Variants in CNTNAP4 observed in about 807,000 individuals in gnomAD.
The protein encoded by CNTNAP4 is contactin-associated protein-like 4.
Under a neutral mutation model 148.4 loss-of-function variants are expected in CNTNAP4, and 98 were observed. The observed-to-expected ratio is 0.66, with a 90% confidence interval of 0.56 to 0.78. CNTNAP4 has a LOEUF of 0.78. CNTNAP4 is among the 30% of genes least tolerant of loss of function. CNTNAP4 has a pLI of 0.00. For synonymous variants in CNTNAP4, 730 were observed against 565.1 expected (o/e 1.29, Z -4.14); for missense variants, 1,935 against 1,565.6 (o/e 1.24, Z -3.98).
intron 3 of CNTNAP4, among the ~76,000 whole-genome samples, chr16:76,361,637 C>T (rs1053774306): frequency 1.3e-5 from 2 of 152,086 alleles, no homozygotes; most frequent in African/African-American, 2.4e-5. Flanking sequence ...GCAGATGTCT[C>T]TTTGAGATCC....
intron 3 of CNTNAP4, among the ~76,000 whole-genome samples, chr16:76,423,124 C>G (rs905529319): frequency 2.0e-5 from 3 of 152,092 alleles, no homozygotes; most frequent in African/African-American, 7.2e-5. Flanking sequence ...CTGCTGGTGC[C>G]TTCATTTTGG....
At chr16:76,425,748 C>T (rs2079368867) in intron 3 of CNTNAP4, among the ~76,000 whole-genome samples, 1 of 152,024 alleles carries the variant, frequency 6.6e-6, no homozygotes, top group Admixed American at 6.6e-5. Context: ...GTGCGAATCC[C>T]TGAGAGAACT....
intron 2 of CNTNAP4, among the ~76,000 whole-genome samples, chr16:76,338,908 C>G (rs565109003): frequency 4.6e-5 from 7 of 152,178 alleles, no homozygotes; most frequent in African/African-American, 1.7e-4. Flanking sequence ...CAGAAGTGAT[C>G]TCTGTTTATA....
intron 3 of CNTNAP4, among the ~76,000 whole-genome samples, chr16:76,421,358 A>G (rs1191423519): frequency 6.6e-6 from 1 of 152,080 alleles, no homozygotes; most frequent in Non-Finnish European, 1.5e-5. Context: ...AAAACTTAAC[A>G]TTCTAATTTG....
chr16:76,498,336 G>T (rs185152696), intron 14 of CNTNAP4, among the ~76,000 whole-genome samples: 1 of 152,222 alleles, frequency 6.6e-6, no homozygotes. Flanking sequence ...AGGTTGCATT[G>T]AGCCAAAACT....
chr16:76,551,941 T>G (rs1430215500), intron 21 of CNTNAP4, among the ~76,000 whole-genome samples: 1 of 152,220 alleles, frequency 6.6e-6, no homozygotes, highest in Non-Finnish European at 1.5e-5. Flanking sequence ...ATAGTTGTAT[T>G]AGTCCGTTCT....
chr16:76,540,844 A>G (rs2084421747), intron 21 of CNTNAP4, 54 bp downstream of exon 21: 1 of 1,279,870 alleles, frequency 7.8e-7, no homozygotes, highest in African/African-American at 1.5e-5. Flanking sequence ...ATACATAAGC[A>G]TGGATCAGAA....
chr16:76,324,697 T>C (rs1962782280), intron 2 of CNTNAP4, among the ~76,000 whole-genome samples: 1 of 152,156 alleles, frequency 6.6e-6, no homozygotes, highest in Admixed American at 6.5e-5. Flanking sequence ...GGCAGCAGAT[T>C]TGATGTCTTG....
chr16:76,535,452 G>T, intron 17 of CNTNAP4, 93 bp from the exon 18 acceptor site: 3 of 1,323,968 alleles, frequency 2.3e-6, no homozygotes, highest in African/African-American at 3.0e-5. Context: ...CATTTTTTTT[G>T]CCGTTCTCTG....
intron 3 of CNTNAP4, among the ~76,000 whole-genome samples, chr16:76,387,756 G>T (rs2016632265): frequency 6.6e-6 from 1 of 152,032 alleles, no homozygotes; most frequent in African/African-American, 2.4e-5. Context: ...ATTTAATAGT[G>T]GTTTAAATAA....
intron 18 of CNTNAP4, 42 bp downstream of exon 18, chr16:76,535,826 A>C: frequency 6.4e-7 from 1 of 1,572,336 alleles, no homozygotes; most frequent in Non-Finnish European, 8.7e-7. Context: ...AATTTATTCA[A>C]TGTGGATTAA....
intron 15 of CNTNAP4, among the ~76,000 whole-genome samples, chr16:76,519,395 G>A (rs2083373623): frequency 6.6e-6 from 1 of 151,954 alleles, no homozygotes; most frequent in Non-Finnish European, 1.5e-5. Flanking sequence ...TATTGAGTTA[G>A]TTATGATATA....
At chr16:76,448,995 A>T (rs776784405) in intron 6 of CNTNAP4, 44 bp downstream of exon 6, 1 of 1,548,748 alleles carries the variant, frequency 6.5e-7, no homozygotes, top group Non-Finnish European at 8.8e-7. Flanking sequence ...TATTATGTAT[A>T]TGTGGTTTAA....
chr16:76,445,071 A>C (rs1017153817), intron 4 of CNTNAP4, among the ~76,000 whole-genome samples: 1 of 152,146 alleles, frequency 6.6e-6, no homozygotes, highest in African/African-American at 2.4e-5. Context: ...TGAATGGGAC[A>C]GTGCTGGGAA....
intron 17 of CNTNAP4, among the ~76,000 whole-genome samples, chr16:76,522,638 T>C (rs376151446): frequency 0.19 from 15,439 of 80,928 alleles, 3,019 homozygotes; most frequent in Middle Eastern, 0.24. Context: ...TCCTTCCTTC[T>C]TTCTTTCTTT....
intron 6 of CNTNAP4, among the ~76,000 whole-genome samples, 191 bp from the exon 7 acceptor site, chr16:76,449,524 A>G (rs917208569): frequency 1.3e-4 from 20 of 152,328 alleles, no homozygotes; most frequent in African/African-American, 4.8e-4. Flanking sequence ...ACTTGTAAAA[A>G]TAAAGTTCTA....
intron 7 of CNTNAP4, among the ~76,000 whole-genome samples, chr16:76,451,589 T>G (rs2080472645): frequency 1.1e-5 from 1 of 87,814 alleles, no homozygotes; most frequent in African/African-American, 3.2e-5. Flanking sequence ...AATAAAAATA[T>G]TTTAGATAGA....
At chr16:76,355,543 G>A (rs768567229) in intron 3 of CNTNAP4, 32 bp downstream of exon 3, 21 of 1,531,320 alleles carry the variant, frequency 1.4e-5, no homozygotes, top group Admixed American at 8.0e-5. Context: ...ATAGTCTCTC[G>A]GGGAAAAAGT....
chr16:76,530,056 A>G (rs993157846), intron 17 of CNTNAP4, among the ~76,000 whole-genome samples: 2 of 152,098 alleles, frequency 1.3e-5, no homozygotes, highest in African/African-American at 4.8e-5. Context: ...TTTAAAAAAA[A>G]CTTCATAAGA....
Sources: gnomAD v4.1 joint callset for allele counts (sites outside exome capture counted in the v4.1 genomes callset) on GRCh38, gnomAD v4.1.1 for gene constraint, MANE v1.5 for transcripts, NCBI Gene and HGNC (gene_info 2026-07-23, HGNC 2026-07-21) for gene names.